The following PRR5L variants were observed in gnomAD, a reference collection of about 807,000 sequenced individuals.
PRR5L encodes proline-rich protein 5-like.
In PRR5L, 21 loss-of-function variants were observed where a neutral mutation model predicts 36.4. The observed-to-expected ratio is 0.58, with a 90% CI of 0.41 to 0.83. The LOEUF is 0.83. Among genes scored for constraint, PRR5L ranks in the 40% least tolerant of loss-of-function variants. PRR5L has a pLI of 0.00. For missense variants in PRR5L, 381 were observed against 473.3 expected (o/e 0.80, Z 1.81); for synonymous variants, 188 against 197.0 (o/e 0.95, Z 0.38).
intron 1 of PRR5L, among the ~76,000 whole-genome samples, chr11:36,351,728 T>TATATATATTTATATA (rs1201412908): frequency 9.5e-6 from 1 of 104,918 alleles, no homozygotes; most frequent in Non-Finnish European, 1.8e-5. Context: ...TTTATATATT[T>TATATATATTTATATA]TTTATATATT....
chr11:36,399,304 G>GA (rs1442125834), intron 1 of PRR5L, among the ~76,000 whole-genome samples: 1 of 152,180 alleles, frequency 6.6e-6, no homozygotes, highest in Non-Finnish European at 1.5e-5. Flanking sequence ...TTCCTTAAAA[G>GA]AAAAAAGTTA....
chr11:36,396,414 C>A (rs1324731962), intron 1 of PRR5L, among the ~76,000 whole-genome samples: 1 of 152,200 alleles, frequency 6.6e-6, no homozygotes, highest in Non-Finnish European at 1.5e-5. Context: ...GCTAAGGAGG[C>A]AAGCCTGGGT....
At chr11:36,413,255 A>G (rs34066413) in intron 3 of PRR5L, among the ~76,000 whole-genome samples, 19,620 of 152,098 alleles carry the variant, frequency 0.13, 1,365 homozygotes, top group African/African-American at 0.17. Context: ...TATAGTCCTG[A>G]GAACAAGGGT....
chr11:36,319,630 G>C (rs1856592914), intron 1 of PRR5L, among the ~76,000 whole-genome samples: 1 of 151,474 alleles, frequency 6.6e-6, no homozygotes, highest in Non-Finnish European at 1.5e-5. Flanking sequence ...GGGAGGGCTT[G>C]GCACAAGAGC....
At chr11:36,423,917 T>C (rs1858325489) in intron 4 of PRR5L, among the ~76,000 whole-genome samples, 1 of 152,168 alleles carries the variant, frequency 6.6e-6, no homozygotes, top group Non-Finnish European at 1.5e-5. Flanking sequence ...ACTGGGGGCT[T>C]CGAGAAGCAC....
chr11:36,420,263 C>T (rs560477798), intron 4 of PRR5L, among the ~76,000 whole-genome samples: 26 of 152,300 alleles, frequency 1.7e-4, no homozygotes, highest in African/African-American at 6.0e-4. Context: ...ATACAACTTA[C>T]CTTAAAAGTT....
intron 6 of PRR5L, among the ~76,000 whole-genome samples, chr11:36,438,077 A>G (rs905965876): frequency 6.6e-6 from 1 of 152,224 alleles, no homozygotes; most frequent in Non-Finnish European, 1.5e-5. Context: ...TTAGAATAAA[A>G]TGTGAATGAC....
intron 1 of PRR5L, 136 bp from the exon 2 acceptor site, chr11:36,400,861 C>A: frequency 1.8e-6 from 1 of 562,390 alleles, no homozygotes; most frequent in Non-Finnish European, 2.7e-6. Flanking sequence ...TGAATGGGAA[C>A]CTGCCAGGGA....
Position 36,341,932 on chromosome 11 carries a change from C to T in PRR5L, c.-126+45494C>T, listed in dbSNP as rs529606943. Among the ~76,000 whole-genome samples the T allele has an allele frequency of 1.3e-4, 20 of 152,238 alleles. No individual in the cohort carries two copies. In the East Asian group the frequency reaches 1.9e-3, roughly 15 times the overall value. ...GGAGAAACGAAGAGACAACTGGAAG[C>T]GGAAAGAAATGTTGGGTGGACATTG... On this transcript the variant is annotated intron_variant, in intron 1 of 8. Coordinates refer to ENST00000530639, the MANE Select transcript of PRR5L (RefSeq NM_001160167.2).
chr11:36,421,991 G>A (rs985529228), intron 4 of PRR5L, among the ~76,000 whole-genome samples: 1 of 152,182 alleles, frequency 6.6e-6, no homozygotes, highest in Non-Finnish European at 1.5e-5. Context: ...ATTCCACTTA[G>A]TGTAAATTAT....
intron 6 of PRR5L, among the ~76,000 whole-genome samples, chr11:36,446,017 T>C (rs1858821081): frequency 5.3e-5 from 8 of 152,182 alleles, no homozygotes; most frequent in Admixed American, 5.2e-4. Context: ...CTTTCTCTCC[T>C]TCGTGACCAC....
At chr11:36,433,696 C>T (rs1309696550) in intron 5 of PRR5L, among the ~76,000 whole-genome samples, 8 of 152,082 alleles carry the variant, frequency 5.3e-5, no homozygotes, top group Non-Finnish European at 7.3e-5. Context: ...ATTACAGGCA[C>T]GTGCCACCAC....
intron 1 of PRR5L, among the ~76,000 whole-genome samples, chr11:36,381,275 T>A (rs938268688): frequency 1.3e-5 from 2 of 152,186 alleles, no homozygotes; most frequent in South Asian, 4.1e-4. Context: ...TGTCCTGTAT[T>A]TTGTTGATGG....
At chr11:36,385,780 G>A (rs1857447078) in intron 1 of PRR5L, among the ~76,000 whole-genome samples, 1 of 152,234 alleles carries the variant, frequency 6.6e-6, no homozygotes, top group East Asian at 1.9e-4. Context: ...ATTGTGCTAT[G>A]CTATGTAGCA....
intron 1 of PRR5L, among the ~76,000 whole-genome samples, chr11:36,332,297 T>C (rs1214181124): frequency 6.6e-6 from 1 of 152,132 alleles, no homozygotes; most frequent in Non-Finnish European, 1.5e-5. Context: ...AAAACAAAGA[T>C]ACAAACAACC....
intron 3 of PRR5L, among the ~76,000 whole-genome samples, chr11:36,412,736 AT>A (rs1858051950): frequency 6.6e-6 from 1 of 152,006 alleles, no homozygotes; most frequent in African/African-American, 2.4e-5. Context: ...ATGCCTTGAT[AT>A]TTTTTACTGT....
intron 1 of PRR5L, among the ~76,000 whole-genome samples, chr11:36,318,613 G>T (rs1171683368): frequency 6.6e-6 from 1 of 152,200 alleles, no homozygotes; most frequent in Non-Finnish European, 1.5e-5. Flanking sequence ...AACTAAAAGT[G>T]CAAGTGGTTG....
chr11:36,446,330 C>T lies in PRR5L; in HGVS notation c.475C>T (p.Leu159=). The T allele has an allele frequency of 1.9e-6, 3 of 1,614,078 alleles. No homozygotes were observed. The highest frequency in any genetic ancestry group is 2.5e-6 in the Non-Finnish European group (3 of 1,180,032). ...GGAGCTGACTATCCGCCAGATCTCC[C>T]TGCTGGGCTTCCGAGACCTAGTCTT... is the stretch of plus-strand genomic sequence containing the variant. The part of the protein sequence containing the change: ...GQELTIRQIS[L]LGFRDLVLLK... Residue 159 remains leucine, a synonymous_variant, in exon 7 of 9, where the codon CTG becomes TTG. Transcript: ENST00000530639.
chr11:36,441,811 C>T (rs991063833), intron 6 of PRR5L, among the ~76,000 whole-genome samples: 4 of 152,158 alleles, frequency 2.6e-5, no homozygotes, highest in African/African-American at 9.7e-5. Context: ...TTCTCTTGTA[C>T]TCTGTGCACC....
Sources: allele counts gnomAD v4.1 joint callset (sites outside exome capture counted in the v4.1 genomes callset), GRCh38; gene constraint gnomAD v4.1.1; transcripts MANE v1.5; gene names NCBI Gene and HGNC (gene_info 2026-07-23, HGNC 2026-07-21).